The following GABRR2 variants were observed in gnomAD, a reference collection of about 807,000 sequenced individuals.
The protein encoded by GABRR2 is gamma-aminobutyric acid receptor subunit rho-2.
A neutral mutation model predicts 47.0 loss-of-function variants in GABRR2; 36 were observed. The ratio of observed to expected loss-of-function variants is 0.77; its 90% CI spans 0.59 to 1.01. The LOEUF (loss-of-function observed/expected upper bound fraction) is 1.01, where lower values mean the gene tolerates loss of function less well. GABRR2 is among the 50% of genes least tolerant of loss of function. GABRR2 has a pLI of 0.00. For synonymous variants in GABRR2, 204 were observed against 227.5 expected (o/e 0.90, Z 0.93); for missense variants, 587 against 594.6 (o/e 0.99, Z 0.13).
chr6:89,290,994 G>A (rs146471684), intron 2 of GABRR2, among the ~76,000 whole-genome samples: 5 of 152,210 alleles, frequency 3.3e-5, no homozygotes, highest in African/African-American at 4.8e-5. Context: ...CTCCGTAAAC[G>A]CACTTTCACT....
At chr6:89,290,836 G>A (rs550633953) in intron 2 of GABRR2, among the ~76,000 whole-genome samples, 24 of 152,268 alleles carry the variant, frequency 1.6e-4, no homozygotes, top group Admixed American at 7.8e-4. Flanking sequence ...CCCATCGGGC[G>A]GCTTTTTCCA....
At chr6:89,289,066 A>C (rs1428116646) in intron 2 of GABRR2, among the ~76,000 whole-genome samples, 1 of 152,260 alleles carries the variant, frequency 6.6e-6, no homozygotes, top group South Asian at 2.1e-4. Context: ...GAGATGCTTC[A>C]TGTAAGAGGA....
intron 2 of GABRR2, among the ~76,000 whole-genome samples, chr6:89,275,660 G>A (rs9451194): frequency 0.44 from 67,229 of 151,960 alleles, 15,050 homozygotes; most frequent in East Asian, 0.64. Flanking sequence ...GGGATGGCCC[G>A]GTATTTGGAT....
chr6:89,275,234 C>T (rs997147110), intron 2 of GABRR2, among the ~76,000 whole-genome samples: 11 of 152,160 alleles, frequency 7.2e-5, no homozygotes, highest in African/African-American at 2.7e-4. Flanking sequence ...ACTAACATTT[C>T]TATTGAAAAT....
chr6:89,298,768 G>A (rs1205230014), intron 2 of GABRR2, among the ~76,000 whole-genome samples: 1 of 152,156 alleles, frequency 6.6e-6, no homozygotes, highest in Non-Finnish European at 1.5e-5. Context: ...TGACAAATGT[G>A]TATGTTGCAA....
intron 8 of GABRR2, among the ~76,000 whole-genome samples, chr6:89,259,679 T>C (rs925223916): frequency 1.3e-5 from 2 of 151,598 alleles, no homozygotes; most frequent in Middle Eastern, 3.2e-3. Context: ...AATTTTTGTA[T>C]TTTTAGTAGA....
chr6:89,297,165 CA>C (rs1285794360), intron 2 of GABRR2, among the ~76,000 whole-genome samples: 2 of 152,160 alleles, frequency 1.3e-5, no homozygotes, highest in Non-Finnish European at 2.9e-5. Context: ...AAAAAAATAT[CA>C]AAAAGCATAT....
chr6:89,293,144 T>C (rs1774499595), intron 2 of GABRR2, among the ~76,000 whole-genome samples: 1 of 152,114 alleles, frequency 6.6e-6, no homozygotes, highest in African/African-American at 2.4e-5. Flanking sequence ...TTCTATCACA[T>C]ACTACAACAT....
At chr6:89,285,543 T>G (rs972256866) in intron 2 of GABRR2, among the ~76,000 whole-genome samples, 29 of 152,206 alleles carry the variant, frequency 1.9e-4, no homozygotes, top group African/African-American at 6.7e-4. Flanking sequence ...AGCATCACCA[T>G]CACCCGGGCA....
At chr6:89,262,340 G>C (rs547186390) in intron 8 of GABRR2, among the ~76,000 whole-genome samples, 1 of 152,248 alleles carries the variant, frequency 6.6e-6, no homozygotes, top group South Asian at 2.1e-4. Context: ...CATGTGTCAG[G>C]ACTACCTTCA....
chr6:89,267,951 A>T, intron 5 of GABRR2, 63 bp downstream of exon 5: 1 of 1,580,248 alleles, frequency 6.3e-7, no homozygotes, highest in Non-Finnish European at 8.7e-7. Context: ...TCTCATGATT[A>T]CTAAAATGGC....
At chr6:89,285,810 T>G (rs1486165979) in intron 2 of GABRR2, among the ~76,000 whole-genome samples, 1 of 152,096 alleles carries the variant, frequency 6.6e-6, no homozygotes, top group Admixed American at 6.6e-5. Flanking sequence ...TATCTCCCAC[T>G]GGCGCGCCCC....
At chr6:89,302,978 T>C in intron 1 of GABRR2, 3 of 1,303,612 alleles carry the variant, frequency 2.3e-6, no homozygotes, top group South Asian at 2.3e-5. Context: ...ATGGACGAGA[T>C]GGAGATCACC....
chr6:89,272,055 C>G (rs1774064781), intron 2 of GABRR2, among the ~76,000 whole-genome samples: 1 of 152,200 alleles, frequency 6.6e-6, no homozygotes. Flanking sequence ...TAGTGCCTGA[C>G]TGGAGACCCT....
At chr6:89,297,386 G>A (rs114200483) in intron 2 of GABRR2, among the ~76,000 whole-genome samples, 131 of 152,276 alleles carry the variant, frequency 8.6e-4, no homozygotes, top group Middle Eastern at 3.4e-3. Flanking sequence ...TAGGAGGGGG[G>A]TCCAACCTCA....
intron 2 of GABRR2, among the ~76,000 whole-genome samples, chr6:89,274,954 C>T (rs560408486): frequency 6.6e-6 from 1 of 152,246 alleles, no homozygotes; most frequent in East Asian, 1.9e-4. Flanking sequence ...GGTGAGATTT[C>T]AGGCAGTGTA....
intron 2 of GABRR2, among the ~76,000 whole-genome samples, chr6:89,294,912 T>C (rs1261834953): frequency 6.6e-6 from 1 of 151,512 alleles, no homozygotes; most frequent in Non-Finnish European, 1.5e-5. Flanking sequence ...GTCCTTGCGA[T>C]AGTTTGCTGA....
Position 89,257,550 on chromosome 6 carries a change from G to C in GABRR2, c.*120C>G. ...TCTCTGAGAGATGAGTGCTGCTCAG[G>C]GTGGTCCAGTAGCTGCTGCATTGTT... On this transcript the variant is annotated 3_prime_UTR_variant, in exon 9 of 9. Coordinates refer to ENST00000402938, the MANE Select transcript of GABRR2 (RefSeq NM_002043.5). 2.5e-6 allele frequency: 2 copies of C among 790,036 alleles called. No individual in the cohort carries two copies. Among genetic ancestry groups the C allele is most frequent in the South Asian group, 3.6e-5 (2 of 55,058 alleles). 48.9% of individuals were successfully genotyped at this position (790,036 alleles called of 1,614,324 possible).
At position 89,256,943 on chromosome 6, in the gene GABRR2, G is replaced by T. The variant is rs562935307; in HGVS notation, c.*727C>A. ...GCAACAGCAAACAGAATGGGTCTGTGGGGTAAGCGGGGTTGAAGGAGGGGA... is the reference window on the plus strand; with the variant it reads ...GCAACAGCAAACAGAATGGGTCTGTTGGGTAAGCGGGGTTGAAGGAGGGGA... On this transcript the variant is annotated 3_prime_UTR_variant, in exon 9 of 9. Coordinates refer to ENST00000402938, the MANE Select transcript of GABRR2 (RefSeq NM_002043.5). Among the ~76,000 whole-genome samples the T allele has an allele frequency of 6.6e-6, 1 of 152,164 alleles. No homozygotes were observed. Among genetic ancestry groups the T allele is most frequent in the East Asian group, 1.9e-4 (1 of 5,200 alleles).
Sources: allele counts gnomAD v4.1 joint callset (sites outside exome capture counted in the v4.1 genomes callset), GRCh38; gene constraint gnomAD v4.1.1; transcripts MANE v1.5; gene names NCBI Gene and HGNC (gene_info 2026-07-23, HGNC 2026-07-21).